The following NCOA1 variants were observed in gnomAD, a reference collection of about 807,000 sequenced individuals.
The protein encoded by NCOA1 is Hin-2 protein.
Under a neutral mutation model 150.9 loss-of-function variants are expected in NCOA1, and 35 were observed. The ratio of observed to expected loss-of-function variants is 0.23; its 90% confidence interval spans 0.18 to 0.31. The LOEUF is 0.31. Among genes scored for constraint, NCOA1 ranks in the 10% least tolerant of loss-of-function variants. NCOA1 has a pLI of 1.00. For synonymous variants in NCOA1, 590 were observed against 630.0 expected (o/e 0.94, Z 0.95); for missense variants, 1,491 against 1,749.3 (o/e 0.85, Z 2.63).
chr2:24,543,652 G>C (rs1218051082), intron 1 of NCOA1, among the ~76,000 whole-genome samples: 1 of 151,954 alleles, frequency 6.6e-6, no homozygotes, highest in African/African-American at 2.4e-5. Flanking sequence ...AGGCAGAGAT[G>C]GCTTTCTAAA....
intron 3 of NCOA1, among the ~76,000 whole-genome samples, chr2:24,607,976 A>G (rs1558834481): frequency 6.6e-6 from 1 of 152,058 alleles, no homozygotes; most frequent in Non-Finnish European, 1.5e-5. Context: ...ATCTTATACC[A>G]AGAACACAAA....
chr2:24,691,679 T>G lies in NCOA1; in HGVS notation c.712+19T>G, dbSNP rs1412337823. Reference sequence around the variant, plus strand: ...GGAGAAGGTAAAGCCAAACGGTCTTTTTAAAGTGTTTATTTCTTCTGTGAC... The same window carrying G: ...GGAGAAGGTAAAGCCAAACGGTCTTGTTAAAGTGTTTATTTCTTCTGTGAC... On this transcript the variant is annotated intron_variant, in intron 9 of 22. Coordinates refer to ENST00000348332, the MANE Select transcript of NCOA1 (RefSeq NM_003743.5). 28 of 1,604,560 alleles carry G rather than the reference T, an allele frequency of 1.7e-5. No homozygotes were observed. The highest frequency in any genetic ancestry group is 2.2e-5 in the Non-Finnish European group (26 of 1,174,474).
At chr2:24,720,285 T>G (rs1286144185) in intron 14 of NCOA1, among the ~76,000 whole-genome samples, 2 of 152,206 alleles carry the variant, frequency 1.3e-5, no homozygotes, top group East Asian at 3.8e-4. Context: ...ACTGCTTTAT[T>G]TATTATGGGC....
At chr2:24,713,166 G>A (rs533079237) in intron 14 of NCOA1, among the ~76,000 whole-genome samples, 4 of 152,202 alleles carry the variant, frequency 2.6e-5, no homozygotes, top group East Asian at 1.9e-4. Context: ...AGGAGGCAGA[G>A]GTTGCAGTCA....
At chr2:24,517,736 T>G (rs147067178) in intron 1 of NCOA1, among the ~76,000 whole-genome samples, 8 of 152,346 alleles carry the variant, frequency 5.3e-5, no homozygotes, top group African/African-American at 1.9e-4. Flanking sequence ...CTTTTTCATT[T>G]TAAAATTGTT....
chr2:24,562,278 A>C (rs980884593), intron 1 of NCOA1, among the ~76,000 whole-genome samples: 5 of 152,246 alleles, frequency 3.3e-5, no homozygotes, highest in African/African-American at 1.2e-4. Context: ...AATGCTTCAC[A>C]TTACAAAACT....
At chr2:24,615,157 A>C (rs1370981423) in intron 3 of NCOA1, among the ~76,000 whole-genome samples, 2 of 152,230 alleles carry the variant, frequency 1.3e-5, no homozygotes, top group Non-Finnish European at 2.9e-5. Flanking sequence ...AGGGTTTGTG[A>C]CATTACAGAA....
chr2:24,730,962 C>T (rs1266593788), intron 17 of NCOA1, among the ~76,000 whole-genome samples: 1 of 146,408 alleles, frequency 6.8e-6, no homozygotes, highest in Non-Finnish European at 1.5e-5. Context: ...CACTTGAACC[C>T]GGGAGGTGGA....
At chr2:24,756,841 G>A (rs1664528224) in intron 20 of NCOA1, among the ~76,000 whole-genome samples, 1 of 152,146 alleles carries the variant, frequency 6.6e-6, no homozygotes, top group Admixed American at 6.5e-5. Flanking sequence ...AATAGAGACT[G>A]ATTTTACATT....
chr2:24,597,068 C>G (rs927391680), intron 3 of NCOA1, among the ~76,000 whole-genome samples: 1 of 152,090 alleles, frequency 6.6e-6, no homozygotes, highest in Non-Finnish European at 1.5e-5. Flanking sequence ...ACTTTATATG[C>G]TTAGGGTGTA....
intron 4 of NCOA1, among the ~76,000 whole-genome samples, chr2:24,644,958 C>T (rs187110527): frequency 2.0e-5 from 3 of 152,150 alleles, no homozygotes; most frequent in East Asian, 1.9e-4. Flanking sequence ...TTAAAGGAGG[C>T]GACAGTTGTC....
rs923749419 is a variant in NCOA1 at position 24,770,506 on chromosome 2, A to G, written c.*2115A>G. On this transcript the variant is annotated 3_prime_UTR_variant, in exon 23 of 23. Coordinates refer to ENST00000348332, the MANE Select transcript of NCOA1 (RefSeq NM_003743.5). Reference sequence around the variant, plus strand: ...AATTATTGCTACATTTGAGGAAAATAAAATTGCTTGCTTCTATGTAATTCC... The same window carrying G: ...AATTATTGCTACATTTGAGGAAAATGAAATTGCTTGCTTCTATGTAATTCC... 9.0e-6 allele frequency: 2 copies of G among 221,640 alleles called. No individual in the cohort carries two copies. The highest frequency in any genetic ancestry group is 1.8e-4 in the South Asian group (1 of 5,424). 13.7% of individuals were successfully genotyped at this position (221,640 alleles called of 1,614,324 possible). A position where few individuals can be genotyped will look rare whatever the true frequency, so the allele number is the denominator to read the frequency against.
intron 1 of NCOA1, among the ~76,000 whole-genome samples, chr2:24,559,159 A>G (rs1454651997): frequency 6.6e-6 from 1 of 152,074 alleles, no homozygotes; most frequent in East Asian, 1.9e-4. Flanking sequence ...TTTACTTTTT[A>G]AAGTTTCCAT....
intron 2 of NCOA1, among the ~76,000 whole-genome samples, chr2:24,574,986 C>G (rs868183373): frequency 2.0e-5 from 3 of 152,038 alleles, no homozygotes; most frequent in Non-Finnish European, 1.5e-5. Flanking sequence ...GTTTATCCTG[C>G]TTGGATTTTG....
At chr2:24,595,682 G>A (rs546477582) in intron 3 of NCOA1, among the ~76,000 whole-genome samples, 8 of 151,932 alleles carry the variant, frequency 5.3e-5, no homozygotes, top group East Asian at 1.9e-4. Flanking sequence ...ACAATGAGGC[G>A]TCCTAATTGG....
chr2:24,748,486 T>TATA (rs1330915527), intron 19 of NCOA1, among the ~76,000 whole-genome samples: 1 of 151,954 alleles, frequency 6.6e-6, no homozygotes, highest in African/African-American at 2.4e-5. Flanking sequence ...GGTATGAGCC[T>TATA]ATAATGCCAG....
chr2:24,680,314 A>C (rs531042328), intron 7 of NCOA1, among the ~76,000 whole-genome samples: 1 of 151,636 alleles, frequency 6.6e-6, no homozygotes, highest in South Asian at 2.1e-4. Flanking sequence ...TCGTGGTTTT[A>C]ATTTGCATCA....
At chr2:24,556,879 T>C (rs1183563459) in intron 1 of NCOA1, among the ~76,000 whole-genome samples, 1 of 152,106 alleles carries the variant, frequency 6.6e-6, no homozygotes, top group Non-Finnish European at 1.5e-5. Flanking sequence ...TGTATTGAAT[T>C]AATCATTTTC....
At chr2:24,544,083 G>A (rs545669026) in intron 1 of NCOA1, among the ~76,000 whole-genome samples, 1 of 152,174 alleles carries the variant, frequency 6.6e-6, no homozygotes, top group African/African-American at 2.4e-5. Flanking sequence ...GAAAGATTTA[G>A]GCTTTGGTGG....
Sources: allele counts gnomAD v4.1 joint callset (sites outside exome capture counted in the v4.1 genomes callset), GRCh38; gene constraint gnomAD v4.1.1; transcripts MANE v1.5; gene names NCBI Gene and HGNC (gene_info 2026-07-23, HGNC 2026-07-21).